The following CLIP2 variants were observed in gnomAD, a reference collection of about 807,000 sequenced individuals.
The protein encoded by CLIP2 is CAP-Gly domain-containing linker protein 2.
A neutral mutation model predicts 111.7 loss-of-function variants in CLIP2; 41 were observed. That is an observed-to-expected ratio of 0.37 (90% CI 0.29 to 0.48). The LOEUF (loss-of-function observed/expected upper bound fraction) is 0.48, where lower values mean the gene tolerates loss of function less well. Ranked by LOEUF, CLIP2 falls within the 20% of genes least tolerant of loss-of-function variation. The pLI is 0.99. For missense variants in CLIP2, 1,160 were observed against 1,422.1 expected (o/e 0.82, Z 2.96); for synonymous variants, 660 against 644.2 (o/e 1.02, Z -0.37).
At chr7:74,317,449 A>G (rs1389062364) in intron 1 of CLIP2, 31 bp from the exon 2 acceptor site, 3 of 1,296,844 alleles carry the variant, frequency 2.3e-6, no homozygotes, top group Non-Finnish European at 3.0e-6. Context: ...TTGGGAAGTG[A>G]TGATGTGATC....
intron 7 of CLIP2, among the ~76,000 whole-genome samples, chr7:74,361,205 TTCCC>T (rs1790322725): frequency 2.4e-5 from 3 of 123,580 alleles, no homozygotes; most frequent in Admixed American, 9.0e-5. Flanking sequence ...CCTTCCTTCC[TTCCC>T]TCCCTCCCTC....
At chr7:74,307,129 C>G (rs1383359185) in intron 1 of CLIP2, among the ~76,000 whole-genome samples, 4 of 152,246 alleles carry the variant, frequency 2.6e-5, no homozygotes, top group Non-Finnish European at 5.9e-5. Flanking sequence ...GCTGCTCCCC[C>G]TCTGCACCCT....
Position 74,297,812 on chromosome 7 carries a change from A to AT in CLIP2, c.-68+8085dup, listed in dbSNP as rs1292030639. ...GAGGACGAGAGTAGCGGAGGAGGGC[A>AT]TTTTTTTCTTTTTTTTTTGAGATGG... is the stretch of plus-strand genomic sequence containing the variant. On this transcript the variant is annotated intron_variant, in intron 1 of 16. Transcript: ENST00000223398. Among the ~76,000 whole-genome samples, 7 of 149,494 alleles carry AT rather than the reference A, an allele frequency of 4.7e-5. No individual in the cohort carries two copies. The South Asian group carries it at 8.5e-4, about 18-fold the overall frequency.
intron 1 of CLIP2, among the ~76,000 whole-genome samples, chr7:74,300,039 T>C (rs1788283376): frequency 6.6e-6 from 1 of 150,964 alleles, no homozygotes; most frequent in South Asian, 2.1e-4. Flanking sequence ...CAGGTTGGAG[T>C]GCAGTGGCAC....
chr7:74,401,967 A>G (rs1048665542), intron 16 of CLIP2, among the ~76,000 whole-genome samples: 20 of 151,884 alleles, frequency 1.3e-4, no homozygotes, highest in African/African-American at 4.8e-4. Flanking sequence ...ATTAAAAAAA[A>G]AAAATTTTAA....
intron 11 of CLIP2, among the ~76,000 whole-genome samples, chr7:74,384,218 CAAA>C (rs1554314426): frequency 6.6e-6 from 1 of 151,982 alleles, no homozygotes; most frequent in East Asian, 1.9e-4. Flanking sequence ...CAAAACAAAA[CAAA>C]AAAGAACCTC....
intron 2 of CLIP2, 106 bp downstream of exon 2, chr7:74,317,773 G>A (rs1311164413): frequency 7.9e-7 from 1 of 1,273,158 alleles, no homozygotes; most frequent in Non-Finnish European, 1.0e-6. Context: ...CAATCTGATG[G>A]GGGACGCTGA....
intron 1 of CLIP2, among the ~76,000 whole-genome samples, chr7:74,295,200 G>A (rs1423122862): frequency 6.6e-6 from 1 of 152,146 alleles, no homozygotes; most frequent in African/African-American, 2.4e-5. Flanking sequence ...GAGATCAAGC[G>A]ATCCTCCCAC....
At chr7:74,303,906 G>A (rs1437432332) in intron 1 of CLIP2, among the ~76,000 whole-genome samples, 7 of 90,138 alleles carry the variant, frequency 7.8e-5, no homozygotes, top group African/African-American at 2.9e-4. Flanking sequence ...AGTGAGACTC[G>A]GTCTCAAAAA....
intron 12 of CLIP2, chr7:74,388,771 G>A (rs1294801720): frequency 1.1e-5 from 2 of 180,238 alleles, no homozygotes; most frequent in South Asian, 1.5e-4. Flanking sequence ...CTCTAGCCTG[G>A]GTGACAGAGT....
rs1055277411 is a variant in CLIP2, at chr7:74,330,022, G to A, written c.122-8426G>A. On this transcript the variant is annotated intron_variant, in intron 2 of 16. Transcript: ENST00000223398. ...TCGAACTCCTGGCCTCAAGCCATCCGCCTGCCTTGGCCTCCCAAAGTGCTG... is the reference window on the plus strand; with the variant it reads ...TCGAACTCCTGGCCTCAAGCCATCCACCTGCCTTGGCCTCCCAAAGTGCTG... Among the ~76,000 whole-genome samples, 9 of 151,732 alleles carry A rather than the reference G, an allele frequency of 5.9e-5. No homozygotes were observed. The East Asian group carries it at 7.8e-4, about 13-fold the overall frequency.
intron 2 of CLIP2, among the ~76,000 whole-genome samples, chr7:74,332,455 A>G (rs1188434634): frequency 1.1e-5 from 1 of 92,616 alleles, no homozygotes; most frequent in Non-Finnish European, 2.4e-5. Context: ...GCAGCCTAGA[A>G]TTCTCTTTTT....
chr7:74,366,211 C>G (rs1239831045), intron 8 of CLIP2, among the ~76,000 whole-genome samples: 2 of 152,082 alleles, frequency 1.3e-5, no homozygotes, highest in Non-Finnish European at 2.9e-5. Context: ...TCATGGTCTT[C>G]CCTCCTGTCC....
chr7:74,291,344 A>G (rs1057193746), intron 1 of CLIP2, among the ~76,000 whole-genome samples: 2 of 152,184 alleles, frequency 1.3e-5, no homozygotes, highest in Admixed American at 1.3e-4. Flanking sequence ...TCAGAGCCCA[A>G]AGTCCCAGCA....
chr7:74,290,944 G>T (rs1273097659), intron 1 of CLIP2, among the ~76,000 whole-genome samples: 1 of 152,178 alleles, frequency 6.6e-6, no homozygotes, highest in African/African-American at 2.4e-5. Flanking sequence ...GTCCCCTGGA[G>T]GATGGGGCAG....
At chr7:74,374,387 C>T (rs1284812469) in intron 9 of CLIP2, among the ~76,000 whole-genome samples, 2 of 152,206 alleles carry the variant, frequency 1.3e-5, no homozygotes, top group African/African-American at 4.8e-5. Flanking sequence ...CCTCCAAATG[C>T]ATCTTGATCT....
Position 74,376,792 on chromosome 7 carries a change from C to A in CLIP2, c.2391C>A (p.Val797=). The part of the protein sequence containing the change: ...LLVAENRLQA[V]EALCSSQHTH... ...TGGCTGAGAACAGACTCCAGGCGGT[C>A]GAGGCCCTGTGCTCCTCCCAGCACA... Residue 797 remains valine (V), a synonymous_variant, in exon 10 of 17, where the codon GTC becomes GTA. Coordinates refer to ENST00000223398, the MANE Select transcript of CLIP2 (RefSeq NM_003388.5). This position sits in a 1 kb window ranked among gnomAD's most constrained non-coding sequence, Gnocchi z 7.1. The A allele has an allele frequency of 6.2e-7, 1 of 1,605,784 alleles. No homozygotes were observed. Among genetic ancestry groups the A allele is most frequent in the Non-Finnish European group, 8.5e-7 (1 of 1,177,038 alleles).
chr7:74,388,225 A>G (rs1791174305), intron 12 of CLIP2, among the ~76,000 whole-genome samples: 1 of 151,960 alleles, frequency 6.6e-6, no homozygotes, highest in African/African-American at 2.4e-5. Context: ...CCAGCTACTC[A>G]GGAGGTTGAG....
chr7:74,344,541 C>T (rs1288223982), intron 3 of CLIP2, among the ~76,000 whole-genome samples: 2 of 152,030 alleles, frequency 1.3e-5, no homozygotes, highest in Non-Finnish European at 2.9e-5. Context: ...ACCACCATGC[C>T]TGCCTAATTT....
Sources: gnomAD v4.1 joint callset for allele counts (sites outside exome capture counted in the v4.1 genomes callset) on GRCh38, gnomAD v4.1.1 for gene constraint, Gnocchi (gnomAD v3.1) non-coding constraint, MANE v1.5 for transcripts, NCBI Gene and HGNC (gene_info 2026-07-23, HGNC 2026-07-21) for gene names.